IRF8: variants seen among roughly 807,000 people sequenced by gnomAD.
IRF8 encodes interferon regulatory factor 8, also known as interferon consensus sequence binding protein 1.
Under a neutral mutation model 48.7 loss-of-function variants are expected in IRF8, and 14 were observed. The observed-to-expected ratio is 0.29, with a 90% CI of 0.19 to 0.45. The LOEUF is 0.45. IRF8 is among the 20% of genes least tolerant of loss of function. IRF8 has a pLI of 1.00. For missense variants in IRF8, 493 were observed against 580.7 expected, an observed-to-expected ratio of 0.85 and a Z score of 1.55; for synonymous variants, 278 against 227.3, an observed-to-expected ratio of 1.22 and a Z score of -2.01.
intron 7 of IRF8, among the ~76,000 whole-genome samples, 187 bp downstream of exon 7, chr16:85,918,990 G>T (rs1054171906): frequency 6.6e-6 from 1 of 152,194 alleles, no homozygotes; most frequent in Non-Finnish European, 1.5e-5. Flanking sequence ...CGATCCTGGG[G>T]TGCTTCTCTG....
intron 7 of IRF8, among the ~76,000 whole-genome samples, chr16:85,919,762 G>A (rs1336202981): frequency 6.6e-6 from 1 of 152,230 alleles, no homozygotes; most frequent in African/African-American, 2.4e-5. Flanking sequence ...GGTGAGGGCT[G>A]CAGCCCTCCC....
chr16:85,903,351 A>G (rs1397565211), intron 2 of IRF8, 162 bp downstream of exon 2: 4 of 671,642 alleles, frequency 6.0e-6, no homozygotes, highest in Non-Finnish European at 1.0e-5. Flanking sequence ...TCAGACATGT[A>G]CATGAGCTGA....
intron 8 of IRF8, 97 bp from the exon 9 acceptor site, chr16:85,921,009 A>G: frequency 1.6e-6 from 2 of 1,230,742 alleles, no homozygotes; most frequent in Middle Eastern, 2.7e-4. Flanking sequence ...CTCACGTGGC[A>G]CTGGGGTCAT....
intron 4 of IRF8, among the ~76,000 whole-genome samples, chr16:85,912,224 A>G (rs763562663): frequency 4.6e-5 from 7 of 152,230 alleles, no homozygotes; most frequent in African/African-American, 7.2e-5. Context: ...GGGCCTCCTT[A>G]GGCAAGAATA....
In IRF8 at chr16:85,915,925, C is replaced by T. The variant is rs889472586; in HGVS notation, c.601+1405C>T. 5.3e-5 allele frequency among the ~76,000 whole-genome samples: 8 copies of T among 152,120 alleles called. No individual in the cohort carries two copies. The East Asian group carries it at 7.7e-4, about 15-fold the overall frequency. On this transcript the variant is annotated intron_variant, in intron 6 of 8. Coordinates refer to ENST00000268638, the MANE Select transcript of IRF8 (RefSeq NM_002163.4). ...GAGCTTTGGTACCTCTGTCCAGCCC[C>T]GCCCCCACCTCTATGTAAATCCATG...
Position 85,918,131 on chromosome 16 carries a change from C to T in IRF8, c.602-286C>T, listed in dbSNP as rs143310266. Among the ~76,000 whole-genome samples, 621 of 152,238 alleles carry T rather than the reference C, an allele frequency of 4.1e-3. 4 individuals carry two copies. The highest frequency in any genetic ancestry group is 0.014 in the African/African-American group (595 of 41,526). On this transcript the variant is annotated intron_variant, in intron 6 of 8. Coordinates refer to ENST00000268638, the MANE Select transcript of IRF8 (RefSeq NM_002163.4). The stretch of plus-strand genomic sequence containing the variant: ...CTTGACGTGTAAATTACAACAGTTA[C>T]CAGACCTTCTCTAGACCTTGTATTT...
At chr16:85,900,483 CT>C (rs1904794760) in intron 1 of IRF8, among the ~76,000 whole-genome samples, 1 of 152,248 alleles carries the variant, frequency 6.6e-6, no homozygotes, top group Admixed American at 6.5e-5. Context: ...GAATCTCAGG[CT>C]TTTGATGTTA....
At chr16:85,906,450 G>A (rs1905005957) in intron 2 of IRF8, among the ~76,000 whole-genome samples, 1 of 152,220 alleles carries the variant, frequency 6.6e-6, no homozygotes, top group South Asian at 2.1e-4. Context: ...GGCCAGAGAG[G>A]CTGGGAGAGG....
intron 6 of IRF8, among the ~76,000 whole-genome samples, chr16:85,916,342 GGT>G (rs1297808243): frequency 6.6e-6 from 1 of 152,222 alleles, no homozygotes; most frequent in African/African-American, 2.4e-5. Flanking sequence ...CTGTGCTGCG[GGT>G]GTCTTTGTTG....
chr16:85,910,693 A>G (rs1055978117), intron 3 of IRF8, among the ~76,000 whole-genome samples: 1 of 152,108 alleles, frequency 6.6e-6, no homozygotes, highest in Non-Finnish European at 1.5e-5. Context: ...GCATTTGCAT[A>G]ATTGCCTACA....
chr16:85,919,973 A>G (rs1905483723), intron 7 of IRF8, 136 bp from the exon 8 acceptor site: 2 of 732,206 alleles, frequency 2.7e-6, no homozygotes, highest in South Asian at 3.0e-5. Flanking sequence ...CCCAAGGGCC[A>G]CCAGTTTGAG....
In IRF8 at chr16:85,918,776, G is replaced by T. The variant is rs752281339; in HGVS notation, c.961G>T (p.Val321Phe). ...NKLERDEVVQVFDTSQFFREL... is the reference protein window; with the variant it reads ...NKLERDEVVQFFDTSQFFREL... ...GCTGGAGCGTGATGAGGTGGTCCAG[G>T]TCTTCGACACCAGCCAGTTCTTCCG... Residue 321 changes from valine (V) to phenylalanine (F), a missense_variant, in exon 7 of 9, where the codon GTC becomes TTC. By Grantham distance (50) the Val-to-Phe change is conservative. This residue lies in a region of IRF8 where 408 missense variants were observed against 449.6 expected (regional missense o/e 0.91). Coordinates refer to ENST00000268638, the MANE Select transcript of IRF8 (RefSeq NM_002163.4). 6.2e-7 allele frequency: 1 copy of T among 1,610,622 alleles called. No homozygotes were observed.
chr16:85,917,684 G>A (rs1403182584), intron 6 of IRF8, among the ~76,000 whole-genome samples: 1 of 152,236 alleles, frequency 6.6e-6, no homozygotes, highest in Non-Finnish European at 1.5e-5. Flanking sequence ...GTTGACAGGT[G>A]TTAGGTGTTA....
chr16:85,916,298 T>G (rs1202281584), intron 6 of IRF8, among the ~76,000 whole-genome samples: 1 of 152,232 alleles, frequency 6.6e-6, no homozygotes, highest in Admixed American at 6.5e-5. Context: ...GCAGCTGGGC[T>G]GGGACCGCAC....
chr16:85,920,024 C>G (rs575948167), intron 7 of IRF8, 85 bp from the exon 8 acceptor site: 2 of 992,552 alleles, frequency 2.0e-6, no homozygotes, highest in African/African-American at 1.6e-5. Context: ...AGCCCTGGGC[C>G]TCCTGATCCC....
intron 3 of IRF8, among the ~76,000 whole-genome samples, chr16:85,910,222 C>G (rs1905105819): frequency 6.6e-6 from 1 of 152,168 alleles, no homozygotes; most frequent in African/African-American, 2.4e-5. Flanking sequence ...GAATGTGGCC[C>G]ATGAACGAGA....
chr16:85,899,596 A>G (rs566818983), intron 1 of IRF8, among the ~76,000 whole-genome samples: 1 of 152,322 alleles, frequency 6.6e-6, no homozygotes, highest in Admixed American at 6.5e-5. Flanking sequence ...CACGTGGAAT[A>G]ATGCTTGGAG....
chr16:85,921,373 T>G lies in IRF8; in HGVS notation c.*91T>G. The G allele has an allele frequency of 7.3e-7, 1 of 1,377,546 alleles. No homozygotes were observed. Among genetic ancestry groups the G allele is most frequent in the Non-Finnish European group, 1.0e-6 (1 of 975,900 alleles). 85.3% of individuals were successfully genotyped at this position (1,377,546 alleles called of 1,614,324 possible). A position where few individuals can be genotyped will look rare whatever the true frequency, so the allele number is the denominator to read the frequency against. Reference sequence around the variant, plus strand: ...ATCATGATTAAAGAATGTGGATCCCTCTGTCTGGGGTGGGATGCCTTACTT... The same window carrying G: ...ATCATGATTAAAGAATGTGGATCCCGCTGTCTGGGGTGGGATGCCTTACTT... On this transcript the variant is annotated 3_prime_UTR_variant, in exon 9 of 9. Coordinates refer to ENST00000268638, the MANE Select transcript of IRF8 (RefSeq NM_002163.4).
chr16:85,921,062 G>C, intron 8 of IRF8, 44 bp from the exon 9 acceptor site: 1 of 1,571,898 alleles, frequency 6.4e-7, no homozygotes, highest in Non-Finnish European at 8.6e-7. Flanking sequence ...CACCCCCTTT[G>C]GAGCCTCCGC....
Sources: gnomAD v4.1 joint callset for allele counts (sites outside exome capture counted in the v4.1 genomes callset) on GRCh38, gnomAD v4.1.1 for gene constraint, gnomAD v4.1.1 regional missense constraint, MANE v1.5 for transcripts, NCBI Gene and HGNC (gene_info 2026-07-23, HGNC 2026-07-21) for gene names.